AKAP8L: variants seen among roughly 807,000 people sequenced by gnomAD.
The protein encoded by AKAP8L is A-kinase anchoring protein 8 like.
AKAP8L carries 34 observed loss-of-function variants against 77.5 expected under a neutral mutation model. The ratio of observed to expected loss-of-function variants is 0.44; its 90% CI spans 0.33 to 0.58. AKAP8L has a LOEUF of 0.58. AKAP8L is among the 20% of genes least tolerant of loss of function. The pLI is 0.02. For missense variants in AKAP8L, 806 were observed against 887.6 expected (o/e 0.91, Z 1.17); for synonymous variants, 342 against 340.7 (o/e 1.00, Z -0.04).
intron 12 of AKAP8L, 64 bp from the exon 13 acceptor site, chr19:15,380,676 C>T: frequency 1.3e-6 from 2 of 1,538,754 alleles, no homozygotes; most frequent in South Asian, 2.2e-5. Context: ...GCTGCCCCGA[C>T]CCTGCCAGCT....
rs1967870303 is a variant in AKAP8L at position 15,400,460 on chromosome 19, G to A, written c.985-102C>T. ...ACGGTATATAGTAAAACAGCTGCTT[G>A]CTCCATAGACAGAGCAGGGCTATCC... On this transcript the variant is annotated intron_variant, in intron 7 of 13. Coordinates refer to ENST00000397410, the MANE Select transcript of AKAP8L (RefSeq NM_014371.4). The A allele has an allele frequency of 3.4e-6, 4 of 1,191,042 alleles. No individual in the cohort carries two copies. In the African/African-American group the frequency reaches 4.7e-5, roughly 14 times the overall value. 73.8% of individuals were successfully genotyped at this position (1,191,042 alleles called of 1,614,324 possible). A position where few individuals can be genotyped will look rare whatever the true frequency, so the allele number is the denominator to read the frequency against.
At position 15,399,650 on chromosome 19, in the gene AKAP8L, C is replaced by A. The variant is rs990493729; in HGVS notation, c.1049-240G>T. Reference sequence around the variant, plus strand: ...CCCTCCACTCTCCAGGACACCCATGCTCTCTGTGCAGTGGGCCAGGAGGAG... The same window carrying A: ...CCCTCCACTCTCCAGGACACCCATGATCTCTGTGCAGTGGGCCAGGAGGAG... On this transcript the variant is annotated intron_variant, in intron 8 of 13. Coordinates refer to ENST00000397410, the MANE Select transcript of AKAP8L (RefSeq NM_014371.4). This position sits in a 1 kb window ranked among gnomAD's most constrained non-coding sequence, Gnocchi z 6.1. 1.1e-5 allele frequency: 6 copies of A among 550,538 alleles called. No homozygotes were observed. Among genetic ancestry groups the A allele is most frequent in the Non-Finnish European group, 1.6e-5 (5 of 305,796 alleles). 34.1% of individuals were successfully genotyped at this position (550,538 alleles called of 1,614,324 possible).
chr19:15,399,478 G>C lies in AKAP8L; in HGVS notation c.1049-68C>G. 8.4e-7 allele frequency: 1 copy of C among 1,189,228 alleles called. No homozygotes were observed. The highest frequency in any genetic ancestry group is 1.3e-6 in the Non-Finnish European group (1 of 796,960). 73.7% of individuals were successfully genotyped at this position (1,189,228 alleles called of 1,614,324 possible). A position where few individuals can be genotyped will look rare whatever the true frequency, so the allele number is the denominator to read the frequency against. Reference sequence around the variant, plus strand: ...GGACAGGGCAGGCCCTGCGGCCTCTGGCTGAATCACCCACTGTCCACTCCA... The same window carrying C: ...GGACAGGGCAGGCCCTGCGGCCTCTCGCTGAATCACCCACTGTCCACTCCA... On this transcript the variant is annotated intron_variant, in intron 8 of 13. Transcript: ENST00000397410. This position sits in a 1 kb window ranked among gnomAD's most constrained non-coding sequence, Gnocchi z 6.1.
chr19:15,408,745 G>A (rs1228710958), intron 2 of AKAP8L, among the ~76,000 whole-genome samples: 9 of 151,660 alleles, frequency 5.9e-5, no homozygotes, highest in African/African-American at 1.7e-4. Context: ...TTAGCCAGGC[G>A]TGGTGGCGGG....
At chr19:15,418,755 C>G (rs1218870969) in intron 1 of AKAP8L, among the ~76,000 whole-genome samples, 156 bp downstream of exon 1, 1 of 152,194 alleles carries the variant, frequency 6.6e-6, no homozygotes, top group Non-Finnish European at 1.5e-5. Context: ...GGCGTGAGGG[C>G]AGCGACCCTG....
intron 12 of AKAP8L, among the ~76,000 whole-genome samples, chr19:15,387,819 C>T (rs1260925535): frequency 3.9e-5 from 6 of 152,136 alleles, no homozygotes; most frequent in East Asian, 1.9e-4. Flanking sequence ...ATTAGCCGGG[C>T]GTGGTAGCAC....
chr19:15,405,816 G>A (rs138881277), intron 2 of AKAP8L, among the ~76,000 whole-genome samples: 1,682 of 152,216 alleles, frequency 0.011, 21 homozygotes, highest in African/African-American at 0.038. Flanking sequence ...CAGATGCTTG[G>A]GAGGCTGAGG....
At chr19:15,380,651 A>G in intron 12 of AKAP8L, 39 bp from the exon 13 acceptor site, 1 of 1,598,992 alleles carries the variant, frequency 6.3e-7, no homozygotes, top group Non-Finnish European at 8.5e-7. Flanking sequence ...GGCTGCTCTG[A>G]GTGCCCTACA....
intron 12 of AKAP8L, among the ~76,000 whole-genome samples, chr19:15,394,617 T>TA (rs1967731482): frequency 6.6e-6 from 1 of 152,094 alleles, no homozygotes; most frequent in Non-Finnish European, 1.5e-5. Context: ...AATCATAACT[T>TA]ACTGTAACCT....
intron 12 of AKAP8L, among the ~76,000 whole-genome samples, chr19:15,395,973 G>C (rs1344888586): frequency 1.2e-4 from 4 of 32,620 alleles, no homozygotes; most frequent in Admixed American, 4.0e-4. Context: ...GACAGAGCGA[G>C]ACTCCGTCTC....
In AKAP8L at chr19:15,399,840, G is replaced by A. The variant is rs1415373297; in HGVS notation, c.1049-430C>T. On this transcript the variant is annotated intron_variant, in intron 8 of 13. Transcript: ENST00000397410. This position sits in a 1 kb window ranked among gnomAD's most constrained non-coding sequence, Gnocchi z 6.1. ...GATTTGCTGTTAGGTACCTGCTGGC[G>A]CTCATCACTCAGGTGGGGGGACACG... 9.6e-6 allele frequency: 3 copies of A among 311,970 alleles called. No homozygotes were observed. The Admixed American group carries it at 1.4e-4, about 14-fold the overall frequency. The allele number at this position is 311,970 out of a possible 1,614,324, so 19.3% of individuals were successfully genotyped here. A position where few individuals can be genotyped will look rare whatever the true frequency, so the allele number is the denominator to read the frequency against.
rs2145126770 is a variant in AKAP8L, at chr19:15,397,330, A to C, written c.1406-50T>G. On this transcript the variant is annotated intron_variant, in intron 11 of 13. Coordinates refer to ENST00000397410, the MANE Select transcript of AKAP8L (RefSeq NM_014371.4). This position sits in a 1 kb window ranked among gnomAD's most constrained non-coding sequence, Gnocchi z 4.7. ...CACTGGGCCCAGGTGCCTAAGATAG[A>C]CCCAGGTGTTCGAGAAAAAAACCAC... 1 of 1,604,002 alleles carries C rather than the reference A, an allele frequency of 6.2e-7. No homozygotes were observed. Among genetic ancestry groups the C allele is most frequent in the South Asian group, 1.1e-5 (1 of 90,724 alleles).
At chr19:15,410,700 C>T (rs1193948374) in intron 1 of AKAP8L, 106 bp from the exon 2 acceptor site, 10 of 818,876 alleles carry the variant, frequency 1.2e-5, no homozygotes, top group East Asian at 2.7e-5. Context: ...CTTCTCTCAA[C>T]GAAAAGCCAC....
intron 12 of AKAP8L, among the ~76,000 whole-genome samples, chr19:15,390,078 C>T (rs183294495): frequency 6.6e-5 from 10 of 151,554 alleles, no homozygotes; most frequent in Admixed American, 3.3e-4. Context: ...TCTGAATATA[C>T]CCTATAACAA....
At chr19:15,387,985 A>G (rs1035139225) in intron 12 of AKAP8L, among the ~76,000 whole-genome samples, 34 of 151,748 alleles carry the variant, frequency 2.2e-4, no homozygotes, top group Non-Finnish European at 2.2e-4. Context: ...AGGGGAGGGG[A>G]AAAAAATCCC....
At position 15,399,992 on chromosome 19, in the gene AKAP8L, A is replaced by G; in HGVS notation, c.1048+303T>C. The G allele has an allele frequency of 2.0e-6, 1 of 504,004 alleles. No individual in the cohort carries two copies. The highest frequency in any genetic ancestry group is 3.5e-5 in the East Asian group (1 of 28,346). The allele number at this position is 504,004 out of a possible 1,614,324, so 31.2% of individuals were successfully genotyped here. A position where few individuals can be genotyped will look rare whatever the true frequency, so the allele number is the denominator to read the frequency against. On this transcript the variant is annotated intron_variant, in intron 8 of 13. Coordinates refer to ENST00000397410, the MANE Select transcript of AKAP8L (RefSeq NM_014371.4). The surrounding 1 kb of genome is among the most constrained non-coding windows in gnomAD (Gnocchi z 6.1). Reference sequence around the variant, plus strand: ...ACTTGGAACTGCGCGTTACTGAGGGACCGAGGGCAGGGGGCGTGCCTGGGG... The same window carrying G: ...ACTTGGAACTGCGCGTTACTGAGGGGCCGAGGGCAGGGGGCGTGCCTGGGG...
intron 1 of AKAP8L, among the ~76,000 whole-genome samples, chr19:15,418,591 C>T (rs1266546617): frequency 1.3e-5 from 2 of 152,176 alleles, no homozygotes; most frequent in Admixed American, 6.5e-5. Context: ...CCTAAGGCGT[C>T]GAGGTCCAGG....
At chr19:15,384,227 G>A (rs1967479265) in intron 12 of AKAP8L, among the ~76,000 whole-genome samples, 1 of 151,224 alleles carries the variant, frequency 6.6e-6, no homozygotes, top group South Asian at 2.1e-4. Context: ...CACCGTGCCC[G>A]GCTAAGGTCT....
At chr19:15,415,956 G>A (rs1334450917) in intron 1 of AKAP8L, among the ~76,000 whole-genome samples, 1 of 151,804 alleles carries the variant, frequency 6.6e-6, no homozygotes, top group Non-Finnish European at 1.5e-5. Flanking sequence ...GCACAATCAT[G>A]GCTCACTGCA....
Sources: allele counts gnomAD v4.1 joint callset (sites outside exome capture counted in the v4.1 genomes callset), GRCh38; gene constraint gnomAD v4.1.1; non-coding constraint Gnocchi (gnomAD v3.1); transcripts MANE v1.5; gene names NCBI Gene and HGNC (gene_info 2026-07-23, HGNC 2026-07-21).